SEC14L4: variants seen among roughly 807,000 people sequenced by gnomAD.
SEC14L4 encodes the protein SEC14 like lipid binding 4, also known as SEC14-like protein 4.
In SEC14L4, 42 loss-of-function variants were observed where a neutral mutation model predicts 55.1. That is an observed-to-expected ratio of 0.76 (90% CI 0.60 to 0.99). The LOEUF (loss-of-function observed/expected upper bound fraction) is 0.99, where lower values mean the gene tolerates loss of function less well. SEC14L4 is among the 50% of genes least tolerant of loss of function. The pLI is 0.00. For synonymous variants in SEC14L4, 206 were observed against 206.8 expected, an observed-to-expected ratio of 1.00 and a Z score of 0.03; for missense variants, 445 against 512.1, an observed-to-expected ratio of 0.87 and a Z score of 1.27.
Position 30,495,590 on chromosome 22 carries a change from G to C in SEC14L4, c.227C>G (p.Pro76Arg). ...ATGCTGCTCGAGGCTCACCTCAGGG[G>C]GCTGCCATGTGACAATGTTGTCCAG... is the stretch of plus-strand genomic sequence containing the variant. ...QDLDNIVTWQPPEVIQLYDSG... is the reference protein window; with the variant it reads ...QDLDNIVTWQRPEVIQLYDSG... Residue 76 changes from proline (P) to arginine (R), a missense_variant, in exon 4 of 12, where the codon CCC (proline) becomes CGC (arginine). Coordinates refer to ENST00000255858, the MANE Select transcript of SEC14L4 (RefSeq NM_174977.4). 1.2e-6 allele frequency: 2 copies of C among 1,613,964 alleles called. No homozygotes were observed. Among genetic ancestry groups the C allele is most frequent in the South Asian group, 1.1e-5 (1 of 91,064 alleles).
At chr22:30,496,850 A>G (rs1481874680) in intron 2 of SEC14L4, among the ~76,000 whole-genome samples, 1 of 152,200 alleles carries the variant, frequency 6.6e-6, no homozygotes, top group Admixed American at 6.5e-5. Context: ...ATTTTGAAGA[A>G]ATAGACACAC....
chr22:30,495,446 G>A lies in SEC14L4; in HGVS notation c.235-4C>T. ...CCGAGTCATACAGCTGGATGACCTG[G>A]AAGTGTGGGTAAGGTCCCGACTCAA... On this transcript the variant is annotated splice_polypyrimidine_tract_variant and splice_region_variant and intron_variant, in intron 4 of 11. Coordinates refer to ENST00000255858, the MANE Select transcript of SEC14L4 (RefSeq NM_174977.4). 1 of 1,613,098 alleles carries A rather than the reference G, an allele frequency of 6.2e-7. No individual in the cohort carries two copies.
chr22:30,489,773 G>A lies in SEC14L4; in HGVS notation c.*334C>T. 1 of 1,273,856 alleles carries A rather than the reference G, an allele frequency of 7.9e-7. No individual in the cohort carries two copies. The highest frequency in any genetic ancestry group is 1.3e-5 in the South Asian group (1 of 78,314). The allele number at this position is 1,273,856 out of a possible 1,614,324, so 78.9% of individuals were successfully genotyped here. On this transcript the variant is annotated 3_prime_UTR_variant, in exon 12 of 12. Coordinates refer to ENST00000255858, the MANE Select transcript of SEC14L4 (RefSeq NM_174977.4). Reference sequence around the variant, plus strand: ...GGAACACCAGGCATGGGTGAGTCCTGGGTGGCTGGATCTTGTCAAGATGGG... The same window carrying A: ...GGAACACCAGGCATGGGTGAGTCCTAGGTGGCTGGATCTTGTCAAGATGGG...
intron 7 of SEC14L4, 63 bp from the exon 8 acceptor site, chr22:30,492,620 A>G: frequency 3.1e-6 from 4 of 1,288,724 alleles, no homozygotes; most frequent in Non-Finnish European, 3.4e-6. Context: ...ACAGAGCCAC[A>G]GCCAAGAGCA....
chr22:30,492,432 T>C (rs771396775), intron 8 of SEC14L4, 42 bp downstream of exon 8: 1 of 1,536,874 alleles, frequency 6.5e-7, no homozygotes, highest in South Asian at 1.1e-5. Flanking sequence ...TGACCTCTGC[T>C]TCCCAGGCAG....
Position 30,492,465 on chromosome 22 carries a change from G to A in SEC14L4, c.664+9C>T, listed in dbSNP as rs200234273. 47 of 1,611,438 alleles carry A rather than the reference G, an allele frequency of 2.9e-5. No homozygotes were observed. The highest frequency in any genetic ancestry group is 1.9e-4 in the African/African-American group (14 of 74,988). On this transcript the variant is annotated intron_variant, in intron 8 of 11. Transcript: ENST00000255858. Reference sequence around the variant, plus strand: ...CAGATGGACACAACCAGGGGGCCACGTCGCTCACCTCCCAGAATCACAATC... The same window carrying A: ...CAGATGGACACAACCAGGGGGCCACATCGCTCACCTCCCAGAATCACAATC...
At chr22:30,495,208 G>A (rs769833818) in intron 5 of SEC14L4, 46 bp downstream of exon 5, 1 of 1,513,146 alleles carries the variant, frequency 6.6e-7, no homozygotes, top group Non-Finnish European at 8.9e-7. Flanking sequence ...TGGTCCTGGT[G>A]CCACCCTGTA....
Position 30,491,474 on chromosome 22 carries a change from T to G in SEC14L4, c.1081+99A>C, listed in dbSNP as rs781074094. The G allele has an allele frequency of 4.6e-5, 67 of 1,452,304 alleles. 1 individual carries two copies. Among genetic ancestry groups the G allele is most frequent in the Non-Finnish European group, 1.9e-6 (2 of 1,051,550 alleles). The allele number at this position is 1,452,304 out of a possible 1,614,324, so 90.0% of individuals were successfully genotyped here. A position where few individuals can be genotyped will look rare whatever the true frequency, so the allele number is the denominator to read the frequency against. On this transcript the variant is annotated intron_variant, in intron 11 of 11. Coordinates refer to ENST00000255858, the MANE Select transcript of SEC14L4 (RefSeq NM_174977.4). ...GCCCCAAAGCTGGCTCCCCTGGAGC[T>G]TACAGAGATCCCCCCACCCTCCCGA...
At chr22:30,505,096 C>T (rs932144251) in intron 1 of SEC14L4, among the ~76,000 whole-genome samples, 2 of 147,430 alleles carry the variant, frequency 1.4e-5, no homozygotes, top group African/African-American at 5.0e-5. Flanking sequence ...TGCGCCATTA[C>T]ACTCCAGCCT....
Position 30,505,484 on chromosome 22 carries a change from G to C in SEC14L4, c.54+74C>G. ...CGGTGTTCCAGTCTGTACCATGGGG[G>C]CTCCAGCCGGGTTGGGCAGTGCCAG... On this transcript the variant is annotated intron_variant, in intron 1 of 11. Coordinates refer to ENST00000255858, the MANE Select transcript of SEC14L4 (RefSeq NM_174977.4). 5 of 1,410,776 alleles carry C rather than the reference G, an allele frequency of 3.5e-6. No individual in the cohort carries two copies. In the South Asian group the frequency reaches 6.1e-5, roughly 17 times the overall value. The allele number at this position is 1,410,776 out of a possible 1,614,324, so 87.4% of individuals were successfully genotyped here. A position where few individuals can be genotyped will look rare whatever the true frequency, so the allele number is the denominator to read the frequency against.
chr22:30,493,591 C>T (rs1283537650), intron 7 of SEC14L4, among the ~76,000 whole-genome samples: 1 of 152,188 alleles, frequency 6.6e-6, no homozygotes, highest in Non-Finnish European at 1.5e-5. Context: ...CCAGCCCACA[C>T]TGACATAAGT....
intron 5 of SEC14L4, 111 bp from the exon 6 acceptor site, chr22:30,495,072 C>G: frequency 9.3e-7 from 1 of 1,075,154 alleles, no homozygotes; most frequent in Non-Finnish European, 1.4e-6. Flanking sequence ...CTCTGGCAGC[C>G]CACAGCGTTT....
chr22:30,494,384 T>A lies in SEC14L4; in HGVS notation c.520-174A>T, dbSNP rs558838630. On this transcript the variant is annotated intron_variant, in intron 6 of 11. Coordinates refer to ENST00000255858, the MANE Select transcript of SEC14L4 (RefSeq NM_174977.4). ...TCTTTTTTTGTTTGTTGATTTGTTC[T>A]CGAGACAGGGTCTCACTCTGTCTCC... Among the ~76,000 whole-genome samples, 3 of 152,234 alleles carry A rather than the reference T, an allele frequency of 2.0e-5. No individual in the cohort carries two copies. The East Asian group carries it at 5.8e-4, about 29-fold the overall frequency.
rs373603517 is a variant in SEC14L4 at position 30,495,457 on chromosome 22, A to T, written c.235-15T>A. On this transcript the variant is annotated splice_polypyrimidine_tract_variant and intron_variant, in intron 4 of 11. Transcript: ENST00000255858. The stretch of plus-strand genomic sequence containing the variant: ...AGCTGGATGACCTGGAAGTGTGGGT[A>T]AGGTCCCGACTCAATCCAGCTCACC... 6.3e-5 allele frequency: 102 copies of T among 1,612,142 alleles called. No homozygotes were observed. The highest frequency in any genetic ancestry group is 8.2e-5 in the Non-Finnish European group (97 of 1,178,880).
intron 2 of SEC14L4, among the ~76,000 whole-genome samples, chr22:30,497,386 G>A (rs1332263126): frequency 1.3e-5 from 2 of 151,586 alleles, no homozygotes; most frequent in East Asian, 1.9e-4. Context: ...TTAGCTAGGC[G>A]TGGTGGTGCA....
chr22:30,492,261 C>G, intron 8 of SEC14L4, 106 bp from the exon 9 acceptor site: 1 of 1,399,180 alleles, frequency 7.1e-7, no homozygotes, highest in Non-Finnish European at 9.9e-7. Flanking sequence ...GGCGTGCTCC[C>G]CCGGGCACCT....
chr22:30,501,231 C>T (rs555592670), intron 2 of SEC14L4, among the ~76,000 whole-genome samples: 44 of 152,140 alleles, frequency 2.9e-4, no homozygotes, highest in Non-Finnish European at 5.3e-4. Flanking sequence ...AAGTGGACGA[C>T]GGGGCCATGC....
In SEC14L4 at chr22:30,505,632, G is replaced by T. The variant is rs537578044; in HGVS notation, c.-21C>A. The T allele has an allele frequency of 3.6e-5, 55 of 1,542,320 alleles. No individual in the cohort carries two copies. In the East Asian group the frequency reaches 1.2e-3, roughly 35 times the overall value. On this transcript the variant is annotated 5_prime_UTR_variant, in exon 1 of 12. Transcript: ENST00000255858. Reference sequence around the variant, plus strand: ...CTCATGGTGCCCGCGGGCGCAGAAAGGCTCAGGGCGCAGGTCCGCCCGCCC... The same window carrying T: ...CTCATGGTGCCCGCGGGCGCAGAAATGCTCAGGGCGCAGGTCCGCCCGCCC...
chr22:30,500,679 C>G (rs1936290278), intron 2 of SEC14L4, among the ~76,000 whole-genome samples: 2 of 148,122 alleles, frequency 1.4e-5, no homozygotes, highest in Admixed American at 6.8e-5. Context: ...GGAGATTTTT[C>G]AGTTAGGAAC....
Sources: gnomAD v4.1 joint callset for allele counts (sites outside exome capture counted in the v4.1 genomes callset) on GRCh38, gnomAD v4.1.1 for gene constraint, MANE v1.5 for transcripts, NCBI Gene and HGNC (gene_info 2026-07-23, HGNC 2026-07-21) for gene names.